The following MTMR8 variants were observed in gnomAD, a reference collection of about 807,000 sequenced individuals.
MTMR8 encodes the protein myotubularin related protein 8, also known as phosphatidylinositol-3,5-bisphosphate 3-phosphatase MTMR8.
In MTMR8, 65 loss-of-function variants were observed where a neutral mutation model predicts 39.3. The observed-to-expected ratio is 1.65, with a 90% CI of 1.35 to 2.03. The LOEUF (loss-of-function observed/expected upper bound fraction) is 2.03. Ranked by LOEUF, MTMR8 falls within the 30% of genes most tolerant of loss-of-function variation. The pLI, the probability that MTMR8 is intolerant of heterozygous loss-of-function variation, is 0.00. For missense variants in MTMR8, 777 were observed against 538.9 expected, an observed-to-expected ratio of 1.44 and a Z score of -4.37; for synonymous variants, 245 against 185.2, an observed-to-expected ratio of 1.32 and a Z score of -2.62.
At chrX:64,270,537 G>A (rs1931736976) in intron 13 of MTMR8, among the ~76,000 whole-genome samples, 2 of 112,223 alleles carry the variant, frequency 1.8e-5, no homozygotes, top group Non-Finnish European at 3.8e-5. Flanking sequence ...AGTTTACATG[G>A]GAAGGAAATA....
At chrX:64,306,262 G>C in intron 12 of MTMR8, 1 of 337,511 alleles carries the variant, frequency 3.0e-6, no homozygotes, top group Admixed American at 2.9e-5. Flanking sequence ...AGGAGCCTCA[G>C]GAAATGTGGC....
intron 12 of MTMR8, among the ~76,000 whole-genome samples, chrX:64,291,865 G>A (rs774448437): frequency 3.5e-4 from 39 of 111,590 alleles, no homozygotes; most frequent in Non-Finnish European, 6.0e-4. Flanking sequence ...GTAAATCCTC[G>A]CCATCAGAAC....
intron 1 of MTMR8, among the ~76,000 whole-genome samples, chrX:64,376,199 G>C (rs1255740201): frequency 1.8e-5 from 2 of 112,151 alleles, no homozygotes; most frequent in African/African-American, 6.5e-5. Context: ...ATTGGTACCA[G>C]AAAAGAAGAA....
Position 64,268,593 on chromosome X carries a change from C to G in MTMR8, c.2059G>C (p.Asp687His). 8.3e-7 allele frequency: 1 copy of G among 1,210,940 alleles called. No individual in the cohort carries two copies. Among genetic ancestry groups the G allele is most frequent in the East Asian group, 3.0e-5 (1 of 33,828 alleles). Residue 687 changes from aspartate to histidine, a missense_variant, in exon 14 of 14, where the codon GAC (aspartate) becomes CAC (histidine). By Grantham distance (81) the Asp-to-His change is moderately conservative. Coordinates refer to ENST00000374852, the MANE Select transcript of MTMR8 (RefSeq NM_017677.4). ...GTGCTGGCCTTGGAGATGCCTGTGT[C>G]CCCCAAGATGCCCATGTCCCCAGAG... The part of the protein sequence containing the change: ...GFSGDMGILG[D>H]TGISKASTKE...
intron 6 of MTMR8, among the ~76,000 whole-genome samples, chrX:64,347,602 A>T (rs1390428038): frequency 8.9e-6 from 1 of 112,441 alleles, no homozygotes; most frequent in African/African-American, 3.2e-5. Flanking sequence ...TCAACTCTTA[A>T]GTCACAACCA....
intron 6 of MTMR8, among the ~76,000 whole-genome samples, chrX:64,348,252 AT>A (rs1187128852): frequency 2.7e-5 from 3 of 110,558 alleles, no homozygotes; most frequent in Non-Finnish European, 3.8e-5. Context: ...GGCCTAACAC[AT>A]TTATAGAAAA....
intron 1 of MTMR8, among the ~76,000 whole-genome samples, chrX:64,389,845 A>T (rs986234227): frequency 1.8e-5 from 2 of 111,702 alleles, no homozygotes; most frequent in African/African-American, 6.5e-5. Flanking sequence ...TTGCCCAAGA[A>T]CTCAGAGCTA....
At chrX:64,335,690 C>A (rs1395456135) in intron 10 of MTMR8, among the ~76,000 whole-genome samples, 1 of 111,716 alleles carries the variant, frequency 9.0e-6, no homozygotes, top group Non-Finnish European at 1.9e-5. Context: ...TGAATGACCT[C>A]ATCATTCCCT....
chrX:64,352,853 C>T (rs1005711051), intron 4 of MTMR8, among the ~76,000 whole-genome samples: 29 of 111,559 alleles, frequency 2.6e-4, no homozygotes, highest in Admixed American at 6.7e-4. Flanking sequence ...GAATTCTCCA[C>T]ACTAATAACA....
intron 12 of MTMR8, among the ~76,000 whole-genome samples, chrX:64,323,045 C>A (rs1474278697): frequency 8.9e-6 from 1 of 112,590 alleles, no homozygotes; most frequent in Non-Finnish European, 1.9e-5. Flanking sequence ...GGTGCCCCTG[C>A]CCCAAGTTGG....
At chrX:64,349,838 G>T (rs1923441144) in intron 5 of MTMR8, 104 bp downstream of exon 5, 1 of 683,452 alleles carries the variant, frequency 1.5e-6, no homozygotes, top group Admixed American at 4.5e-5. Context: ...GAGAAGTTAA[G>T]TAACTTGCCT....
intron 1 of MTMR8, among the ~76,000 whole-genome samples, chrX:64,389,401 A>T (rs997450430): frequency 1.8e-5 from 2 of 111,862 alleles, no homozygotes; most frequent in African/African-American, 6.5e-5. Context: ...TACCACAAAA[A>T]CCAGAAAATG....
At chrX:64,294,606 A>G (rs1371723161) in intron 12 of MTMR8, among the ~76,000 whole-genome samples, 2 of 111,780 alleles carry the variant, frequency 1.8e-5, no homozygotes, top group Admixed American at 9.5e-5. Context: ...GTGGCTTATA[A>G]ACAATAGATA....
At chrX:64,288,646 T>G (rs1921287451) in intron 12 of MTMR8, among the ~76,000 whole-genome samples, 1 of 111,860 alleles carries the variant, frequency 8.9e-6, no homozygotes, top group Admixed American at 9.5e-5. Flanking sequence ...AGATTGGATT[T>G]AGAAAATGTG....
At chrX:64,376,021 T>G (rs1924259250) in intron 1 of MTMR8, among the ~76,000 whole-genome samples, 2 of 111,837 alleles carry the variant, frequency 1.8e-5, no homozygotes, top group Non-Finnish European at 3.8e-5. Flanking sequence ...TGTGAAGATG[T>G]GCCTACTTCC....
intron 12 of MTMR8, chrX:64,305,831 C>T (rs1464788695): frequency 9.3e-6 from 3 of 322,779 alleles, no homozygotes; most frequent in Non-Finnish European, 1.7e-5. Flanking sequence ...TGGCCATAAC[C>T]CAGGCTGGGC....
intron 1 of MTMR8, among the ~76,000 whole-genome samples, chrX:64,362,073 G>A (rs1030418265): frequency 3.0e-4 from 33 of 109,927 alleles, no homozygotes; most frequent in Non-Finnish European, 3.6e-4. Context: ...TAACATTCAC[G>A]ATGGCAACAA....
chrX:64,304,901 TATATATAC>T (rs1922037897), intron 12 of MTMR8: 1 of 79,638 alleles, frequency 1.3e-5, no homozygotes, highest in Non-Finnish European at 2.4e-5. Flanking sequence ...TATATATATA[TATATATAC>T]ACATACATAT....
In MTMR8 at chrX:64,395,400, C is replaced by T. The variant is rs778396648; in HGVS notation, c.-37G>A. 3 of 1,196,450 alleles carry T rather than the reference C, an allele frequency of 2.5e-6. No individual in the cohort carries two copies. The highest frequency in any genetic ancestry group is 3.5e-5 in the African/African-American group (2 of 56,749). ...CCGCCACCGGAAGATCTCAGTGCTA[C>T]TCCAGATGCCGCCGCCACCGGTCTA... On this transcript the variant is annotated 5_prime_UTR_variant, in exon 1 of 14. Transcript: ENST00000374852.
Sources: allele counts gnomAD v4.1 joint callset (sites outside exome capture counted in the v4.1 genomes callset), GRCh38; gene constraint gnomAD v4.1.1; transcripts MANE v1.5; gene names NCBI Gene and HGNC (gene_info 2026-07-23, HGNC 2026-07-21).